GLUD1: variants seen among roughly 807,000 people sequenced by gnomAD.
The protein encoded by GLUD1 is glutamate dehydrogenase 1, also known as glutamate dehydrogenase 1, mitochondrial.
GLUD1 carries 22 observed loss-of-function variants against 56.0 expected under a neutral mutation model. The ratio of observed to expected loss-of-function variants is 0.39; its 90% CI spans 0.28 to 0.56. GLUD1 has a LOEUF of 0.56. GLUD1 is among the 20% of genes least tolerant of loss of function. The probability of loss-of-function intolerance (pLI) is 0.58; values close to 1 mark genes in which losing one functional copy is unlikely to be tolerated. For missense variants in GLUD1, 451 were observed against 732.0 expected, an observed-to-expected ratio of 0.62 and a Z score of 4.43; for synonymous variants, 223 against 269.9, an observed-to-expected ratio of 0.83 and a Z score of 1.70.
intron 1 of GLUD1, chr10:87,091,683 C>T: frequency 3.5e-5 from 13 of 373,806 alleles, no homozygotes; most frequent in Non-Finnish European, 4.8e-5. Context: ...GGAAAAAGTA[C>T]ACATCAGCCA....
intron 8 of GLUD1, 197 bp from the exon 9 acceptor site, chr10:87,060,438 T>G (rs902904210): frequency 1.2e-5 from 8 of 664,698 alleles, no homozygotes; most frequent in African/African-American, 1.8e-5. Flanking sequence ...GTTTTTTTTT[T>G]GTTTGCTTGT....
chr10:87,057,477 ATTT>A (rs1261413333), intron 11 of GLUD1, among the ~76,000 whole-genome samples: 2 of 152,180 alleles, frequency 1.3e-5, no homozygotes, highest in Non-Finnish European at 2.9e-5. Context: ...AAAATACCAA[ATTT>A]ATTTATTTTA....
chr10:87,087,175 T>C (rs967676479), intron 1 of GLUD1, among the ~76,000 whole-genome samples: 1 of 152,172 alleles, frequency 6.6e-6, no homozygotes, highest in Non-Finnish European at 1.5e-5. Context: ...AAACGTTACT[T>C]ATGTAAAGGA....
rs748635187 is a variant in GLUD1, at chr10:87,053,345, G to C, written c.1554C>G (p.Ala518=). Residue 518 remains alanine (A), a synonymous_variant, in exon 12 of 13, where the codon GCC becomes GCG. Coordinates refer to ENST00000277865, the MANE Select transcript of GLUD1 (RefSeq NM_005271.5). ...CAAACAGCATCTGCACACATACCCT[G>C]GCAGAACGCTCCATTGTGTATGCCA... The part of the protein sequence containing the change: ...SGLAYTMERS[A]RQIMRTAMKY... 40 of 1,604,760 alleles carry C rather than the reference G, an allele frequency of 2.5e-5. No homozygotes were observed. In the Admixed American group the frequency reaches 6.5e-4, roughly 26 times the overall value.
Position 87,094,821 on chromosome 10 carries a change from T to C in GLUD1, c.-52A>G. 1 of 1,388,710 alleles carries C rather than the reference T, an allele frequency of 7.2e-7. No individual in the cohort carries two copies. Among genetic ancestry groups the C allele is most frequent in the Non-Finnish European group, 9.8e-7 (1 of 1,020,674 alleles). The allele number at this position is 1,388,710 out of a possible 1,614,324, so 86.0% of individuals were successfully genotyped here. On this transcript the variant is annotated 5_prime_UTR_variant, in exon 1 of 13. Coordinates refer to ENST00000277865, the MANE Select transcript of GLUD1 (RefSeq NM_005271.5). The surrounding 1 kb of genome is among the most constrained non-coding windows in gnomAD (Gnocchi z 6.6). Reference sequence around the variant, plus strand: ...ATGGTCGCGAAACAGGCGCGCTTTCTCAGACTCCCCGCGACTAGGGAGGAA... The same window carrying C: ...ATGGTCGCGAAACAGGCGCGCTTTCCCAGACTCCCCGCGACTAGGGAGGAA...
chr10:87,057,653 G>T, intron 11 of GLUD1, 38 bp downstream of exon 11: 2 of 981,566 alleles, frequency 2.0e-6, no homozygotes, highest in Non-Finnish European at 3.3e-6. Context: ...AGAGCAGGGA[G>T]CATGTGTGAA....
chr10:87,076,794 T>C, intron 1 of GLUD1, 138 bp from the exon 2 acceptor site: 1 of 706,294 alleles, frequency 1.4e-6, no homozygotes, highest in Non-Finnish European at 2.6e-6. Flanking sequence ...CCAAGCTATG[T>C]CCAAAAACAC....
At chr10:87,087,016 C>T (rs960723179) in intron 1 of GLUD1, among the ~76,000 whole-genome samples, 1 of 152,104 alleles carries the variant, frequency 6.6e-6, no homozygotes, top group Non-Finnish European at 1.5e-5. Flanking sequence ...GGCTCAGTCG[C>T]ACAAGACTGT....
At chr10:87,053,785 A>C (rs575189171) in intron 11 of GLUD1, among the ~76,000 whole-genome samples, 100 of 152,310 alleles carry the variant, frequency 6.6e-4, no homozygotes, top group Admixed American at 2.3e-3. Context: ...CGTTCGCCTC[A>C]GCTCCCCAGA....
chr10:87,091,774 G>T (rs1334464455), intron 1 of GLUD1, among the ~76,000 whole-genome samples: 1 of 152,016 alleles, frequency 6.6e-6, no homozygotes, highest in African/African-American at 2.4e-5. Flanking sequence ...TTTTAATTTA[G>T]AAAACTCAGG....
At chr10:87,070,310 C>CA (rs973772544) in intron 4 of GLUD1, among the ~76,000 whole-genome samples, 1 of 151,564 alleles carries the variant, frequency 6.6e-6, no homozygotes, top group Non-Finnish European at 1.5e-5. Flanking sequence ...ATTTAAAAAA[C>CA]AAAAAACCGG....
chr10:87,067,725 C>T (rs1846115373), intron 5 of GLUD1: 3 of 309,558 alleles, frequency 9.7e-6, no homozygotes, highest in Non-Finnish European at 1.9e-5. Flanking sequence ...TATTTCCATA[C>T]CTTATCTGCT....
intron 10 of GLUD1, 122 bp downstream of exon 10, chr10:87,059,028 T>C: frequency 8.6e-7 from 1 of 1,161,532 alleles, no homozygotes; most frequent in East Asian, 2.3e-5. Flanking sequence ...AGACAAAATA[T>C]TATTTTCTTT....
At chr10:87,053,983 A>G (rs906259517) in intron 11 of GLUD1, among the ~76,000 whole-genome samples, 1 of 151,962 alleles carries the variant, frequency 6.6e-6, no homozygotes, top group African/African-American at 2.4e-5. Context: ...ACAGATAGCT[A>G]TTTTCAGAGC....
At chr10:87,070,326 C>T (rs1341543078) in intron 4 of GLUD1, among the ~76,000 whole-genome samples, 2 of 151,350 alleles carry the variant, frequency 1.3e-5, no homozygotes, top group African/African-American at 2.4e-5. Flanking sequence ...ACCGGCTGGG[C>T]GCGGTGGCTC....
chr10:87,083,282 G>A lies in GLUD1; in HGVS notation c.446-6626C>T, dbSNP rs528413655. ...GGAAGGTACTCTACTTAACTCAATGGATTGGGAAAAATTAGCACAACTGGA... is the reference window on the plus strand; with the variant it reads ...GGAAGGTACTCTACTTAACTCAATGAATTGGGAAAAATTAGCACAACTGGA... On this transcript the variant is annotated intron_variant, in intron 1 of 12. Transcript: ENST00000277865. Among the ~76,000 whole-genome samples the A allele has an allele frequency of 2.0e-5, 3 of 151,878 alleles. No homozygotes were observed. In the East Asian group the frequency reaches 5.8e-4, roughly 29 times the overall value.
At chr10:87,079,654 C>T (rs567215733) in intron 1 of GLUD1, among the ~76,000 whole-genome samples, 3 of 152,154 alleles carry the variant, frequency 2.0e-5, no homozygotes, top group South Asian at 4.1e-4. Flanking sequence ...GTCACGACTG[C>T]GAGGAACATC....
chr10:87,080,671 C>T (rs1334128575), intron 1 of GLUD1, among the ~76,000 whole-genome samples: 1 of 151,392 alleles, frequency 6.6e-6, no homozygotes, highest in African/African-American at 2.4e-5. Context: ...CCAGCCGCCC[C>T]ATCTGAGAAG....
intron 1 of GLUD1, among the ~76,000 whole-genome samples, chr10:87,086,667 C>CAAAAAAA: frequency 8.0e-6 from 1 of 125,178 alleles, no homozygotes; most frequent in South Asian, 2.5e-4. Flanking sequence ...ACTAAAAATA[C>CAAAAAAA]AAAAAAAAAA....
Sources: allele counts gnomAD v4.1 joint callset (sites outside exome capture counted in the v4.1 genomes callset), GRCh38; gene constraint gnomAD v4.1.1; non-coding constraint Gnocchi (gnomAD v3.1); transcripts MANE v1.5; gene names NCBI Gene and HGNC (gene_info 2026-07-23, HGNC 2026-07-21).